The following PCDHGB2 variants were observed in gnomAD, a reference collection of about 807,000 sequenced individuals.
PCDHGB2 encodes the protein protocadherin gamma-B2.
Under a neutral mutation model 59.3 loss-of-function variants are expected in PCDHGB2, and 55 were observed. The observed-to-expected ratio is 0.93, with a 90% CI of 0.75 to 1.16. PCDHGB2 has a LOEUF of 1.16. Among genes scored for constraint, PCDHGB2 ranks in the 50% most tolerant of loss-of-function variants. The probability of loss-of-function intolerance (pLI) is 0.00; values close to 1 mark genes in which losing one functional copy is unlikely to be tolerated. For missense variants in PCDHGB2, 1,228 were observed against 1,198.5 expected (o/e 1.02, Z -0.36); for synonymous variants, 516 against 512.0 (o/e 1.01, Z -0.11).
At chr5:141,449,958 A>AT (rs962794399) in intron 1 of PCDHGB2, among the ~76,000 whole-genome samples, 8 of 148,830 alleles carry the variant, frequency 5.4e-5, no homozygotes, top group African/African-American at 2.0e-4. Context: ...CCTCATAGTA[A>AT]TTTTTTTTAG....
rs768994533 is a variant in PCDHGB2 at position 141,486,589 on chromosome 5, C to G, written c.2422-8218C>G. On this transcript the variant is annotated intron_variant, in intron 1 of 3. Transcript: ENST00000522605. This position sits in a 1 kb window ranked among gnomAD's most constrained non-coding sequence, Gnocchi z 5.0. Reference sequence around the variant, plus strand: ...TTCCTGAGAACAATCGCCCAGGGGACCTGCTTTGCTCCCTTGCAGCCTCTG... The same window carrying G: ...TTCCTGAGAACAATCGCCCAGGGGAGCTGCTTTGCTCCCTTGCAGCCTCTG... 1 of 1,613,676 alleles carries G rather than the reference C, an allele frequency of 6.2e-7. No individual in the cohort carries two copies. Among genetic ancestry groups the G allele is most frequent in the Non-Finnish European group, 8.5e-7 (1 of 1,179,996 alleles).
At chr5:141,413,035 C>A (rs1481573261) in intron 1 of PCDHGB2, 2 of 800,134 alleles carry the variant, frequency 2.5e-6, no homozygotes, top group African/African-American at 1.7e-5. Context: ...AAACCGGCTG[C>A]TGGGCTGCAG....
chr5:141,491,802 G>C lies in PCDHGB2; in HGVS notation c.2422-3005G>C, dbSNP rs759587995. 1 of 1,497,480 alleles carries C rather than the reference G, an allele frequency of 6.7e-7. No homozygotes were observed. The highest frequency in any genetic ancestry group is 1.3e-5 in the South Asian group (1 of 74,938). The allele number at this position is 1,497,480 out of a possible 1,614,324, so 92.8% of individuals were successfully genotyped here. A position where few individuals can be genotyped will look rare whatever the true frequency, so the allele number is the denominator to read the frequency against. On this transcript the variant is annotated intron_variant, in intron 1 of 3. Coordinates refer to ENST00000522605, the MANE Select transcript of PCDHGB2 (RefSeq NM_018923.3). The surrounding 1 kb of genome is among the most constrained non-coding windows in gnomAD (Gnocchi z 6.9). ...ACTTGCATCCACTCCTCTCCGGCCG[G>C]CTTGGTCGCTGGCTGCGCTCCACCC...
Position 141,486,690 on chromosome 5 carries a change from C to G in PCDHGB2, c.2422-8117C>G. ...AGGAATCGAGATGTATCAGCTTCCTCTTTCATCTCTCTGAACCCCCAGACA... is the reference window on the plus strand; with the variant it reads ...AGGAATCGAGATGTATCAGCTTCCTGTTTCATCTCTCTGAACCCCCAGACA... On this transcript the variant is annotated intron_variant, in intron 1 of 3. Coordinates refer to ENST00000522605, the MANE Select transcript of PCDHGB2 (RefSeq NM_018923.3). The surrounding 1 kb of genome is among the most constrained non-coding windows in gnomAD (Gnocchi z 5.0). 3 of 1,614,144 alleles carry G rather than the reference C, an allele frequency of 1.9e-6. No individual in the cohort carries two copies. The highest frequency in any genetic ancestry group is 2.5e-6 in the Non-Finnish European group (3 of 1,180,036).
chr5:141,362,713 T>C (rs1762646923), intron 1 of PCDHGB2, 157 bp downstream of exon 1: 1 of 922,312 alleles, frequency 1.1e-6, no homozygotes, highest in Non-Finnish European at 1.6e-6. Flanking sequence ...AAGTGTTTTC[T>C]CTCTGAAGTG....
At chr5:141,457,289 G>C (rs907200077) in intron 1 of PCDHGB2, among the ~76,000 whole-genome samples, 2 of 152,146 alleles carry the variant, frequency 1.3e-5, no homozygotes, top group African/African-American at 4.8e-5. Flanking sequence ...GAAGTTCCTT[G>C]GTTTTATTTT....
intron 1 of PCDHGB2, chr5:141,393,092 G>A (rs2092676024): frequency 6.2e-7 from 1 of 1,613,644 alleles, no homozygotes; most frequent in Non-Finnish European, 8.5e-7. Flanking sequence ...TAGATCGGGA[G>A]GAGCTCTGCG....
At chr5:141,386,234 T>A (rs570347588) in intron 1 of PCDHGB2, among the ~76,000 whole-genome samples, 2 of 152,292 alleles carry the variant, frequency 1.3e-5, no homozygotes, top group Admixed American at 6.5e-5. Context: ...TACTGAAAAA[T>A]TCAGTTGGAA....
intron 1 of PCDHGB2, among the ~76,000 whole-genome samples, chr5:141,438,609 T>TATAC (rs2098013849): frequency 2.4e-5 from 1 of 41,118 alleles, no homozygotes; most frequent in Non-Finnish European, 3.9e-5. Context: ...TATATATATA[T>TATAC]ATATATATAT....
intron 1 of PCDHGB2, chr5:141,370,579 C>T (rs1363089193): frequency 1.9e-6 from 3 of 1,613,818 alleles, no homozygotes; most frequent in Non-Finnish European, 2.5e-6. Context: ...GGGGATTTAC[C>T]TACTAGGAAC....
intron 1 of PCDHGB2, chr5:141,421,226 C>A (rs368125665): frequency 3.7e-5 from 58 of 1,584,718 alleles, no homozygotes; most frequent in Non-Finnish European, 4.6e-5. Context: ...TTAGAGCCTG[C>A]CATGGCGAAT....
Position 141,490,070 on chromosome 5 carries a change from T to C in PCDHGB2, c.2422-4737T>C, listed in dbSNP as rs2099695766. ...CCAGACGAGGGCACCAACGGCCAAC[T>C]AGACTATTCTTTTGGAGACCACACA... On this transcript the variant is annotated intron_variant, in intron 1 of 3. Transcript: ENST00000522605. The surrounding 1 kb of genome is among the most constrained non-coding windows in gnomAD (Gnocchi z 5.4). The C allele has an allele frequency of 6.2e-7, 1 of 1,614,198 alleles. No individual in the cohort carries two copies.
chr5:141,446,251 A>G (rs979768028), intron 1 of PCDHGB2, among the ~76,000 whole-genome samples: 1 of 152,178 alleles, frequency 6.6e-6, no homozygotes, highest in Admixed American at 6.5e-5. Context: ...ATCTTCAGTG[A>G]AATATTATTA....
chr5:141,401,761 A>T (rs2094191513), intron 1 of PCDHGB2, among the ~76,000 whole-genome samples: 1 of 152,210 alleles, frequency 6.6e-6, no homozygotes, highest in African/African-American at 2.4e-5. Flanking sequence ...ATTACATGGT[A>T]TAAGTCTTTT....
chr5:141,401,446 A>G (rs1200787289), intron 1 of PCDHGB2, among the ~76,000 whole-genome samples: 1 of 152,244 alleles, frequency 6.6e-6, no homozygotes, highest in Non-Finnish European at 1.5e-5. Context: ...GAAGGTCCAA[A>G]TCATCCAAAT....
chr5:141,507,206 G>A (rs1392293998), intron 3 of PCDHGB2: 2 of 152,376 alleles, frequency 1.3e-5, no homozygotes, highest in African/African-American at 4.8e-5. Flanking sequence ...CCAGATCAGG[G>A]TTGCCAGATA....
intron 1 of PCDHGB2, chr5:141,395,272 G>C (rs750503990): frequency 6.5e-7 from 1 of 1,544,348 alleles, no homozygotes; most frequent in Admixed American, 2.1e-5. Context: ...TTAATTTCCA[G>C]ATGAATTTTA....
In PCDHGB2 at chr5:141,364,448, G is replaced by C. The variant is rs1458012071; in HGVS notation, c.2421+1892G>C. On this transcript the variant is annotated intron_variant, in intron 1 of 3. Coordinates refer to ENST00000522605, the MANE Select transcript of PCDHGB2 (RefSeq NM_018923.3). ...CCGCTACTCGATGCCGGAGGAGCTGGACAAAGGCTCCTTCGTCGGCAACAT... is the reference window on the plus strand; with the variant it reads ...CCGCTACTCGATGCCGGAGGAGCTGCACAAAGGCTCCTTCGTCGGCAACAT... The C allele has an allele frequency of 3.7e-6, 6 of 1,613,860 alleles. No individual in the cohort carries two copies. The Admixed American group carries it at 8.3e-5, about 22-fold the overall frequency.
rs992649031 is a variant in PCDHGB2 at position 141,387,128 on chromosome 5, G to C, written c.2421+24572G>C. On this transcript the variant is annotated intron_variant, in intron 1 of 3. Coordinates refer to ENST00000522605, the MANE Select transcript of PCDHGB2 (RefSeq NM_018923.3). ...ATAATATTCCTGTAATGAAATCACTGAAACTATTGGGAAGGGGGTGTATTT... is the reference window on the plus strand; with the variant it reads ...ATAATATTCCTGTAATGAAATCACTCAAACTATTGGGAAGGGGGTGTATTT... Among the ~76,000 whole-genome samples, 7 of 152,316 alleles carry C rather than the reference G, an allele frequency of 4.6e-5. No homozygotes were observed. The South Asian group carries it at 8.3e-4, about 18-fold the overall frequency.
Sources: allele counts gnomAD v4.1 joint callset (sites outside exome capture counted in the v4.1 genomes callset), GRCh38; gene constraint gnomAD v4.1.1; non-coding constraint Gnocchi (gnomAD v3.1); transcripts MANE v1.5; gene names NCBI Gene and HGNC (gene_info 2026-07-23, HGNC 2026-07-21).